The following FIGNL2 variants were observed in gnomAD, a reference collection of about 807,000 sequenced individuals.
The protein encoded by FIGNL2 is fidgetin like 2.
For missense variants in FIGNL2, 1,060 were observed against 950.2 expected (o/e 1.12, Z -1.52); for synonymous variants, 565 against 484.0 (o/e 1.17, Z -2.20).
intron 1 of FIGNL2, chr12:51,845,470 C>T (rs1050731728): frequency 1.0e-6 from 1 of 982,086 alleles, no homozygotes; most frequent in African/African-American, 1.8e-5. Flanking sequence ...GCCCCCCCCC[C>T]ACAGTCTCTG....
Position 51,821,406 on chromosome 12 carries a change from G to A in FIGNL2, c.1008C>T (p.Pro336=), listed in dbSNP as rs754956621. ...AGGGCTCCAGTTGCGGGCCGTAGAC[G>A]GGGGAGCCCAGGACCTTGAGGGGGA... The part of the protein sequence containing the change: ...GGVPLKVLGS[P]VYGPQLEPFE... The change falls in exon 2 of 2, where the codon CCC becomes CCT. Residue 336 remains proline, a synonymous_variant. Coordinates refer to ENST00000618634, the MANE Select transcript of FIGNL2 (RefSeq NM_001384995.1). The A allele has an allele frequency of 3.9e-6, 6 of 1,529,360 alleles. No homozygotes were observed. The highest frequency in any genetic ancestry group is 2.0e-5 in the Admixed American group (1 of 50,328). The allele number at this position is 1,529,360 out of a possible 1,614,324, so 94.7% of individuals were successfully genotyped here.
At chr12:51,832,465 A>G (rs745387284) in intron 1 of FIGNL2, among the ~76,000 whole-genome samples, 6 of 151,142 alleles carry the variant, frequency 4.0e-5, no homozygotes, top group Admixed American at 2.0e-4. Flanking sequence ...ACACTCCACT[A>G]CCTTTGCCTC....
chr12:51,821,500 C>T lies in FIGNL2; in HGVS notation c.914G>A (p.Arg305Gln). The T allele has an allele frequency of 6.4e-7, 1 of 1,559,708 alleles. No individual in the cohort carries two copies. The highest frequency in any genetic ancestry group is 8.6e-7 in the Non-Finnish European group (1 of 1,160,926). ...SYPAADNGEC[R>Q]GNGFRAKPPG... is the part of the protein sequence containing the mutation. ...CGGCTTGGCCCGGAACCCGTTGCCC[C>T]GACATTCGCCGTTGTCCGCGGCGGG... Residue 305 changes from arginine to glutamine, a missense_variant, in exon 2 of 2, where the codon CGG becomes CAG. Transcript: ENST00000618634.
At position 51,846,933 on chromosome 12, in the gene FIGNL2, G is replaced by T. The variant is rs993611316; in HGVS notation, c.-12+1607C>A. ...AAGAAATGAAATGGTGTTAAACATG[G>T]GAAAGGGGATTTACGAGGCCTGTCA... On this transcript the variant is annotated intron_variant, in intron 1 of 1. Transcript: ENST00000618634. 1.5e-4 allele frequency: 133 copies of T among 912,850 alleles called. No individual in the cohort carries two copies. In the African/African-American group the frequency reaches 2.3e-3, roughly 16 times the overall value. The allele number at this position is 912,850 out of a possible 1,614,324, so 56.5% of individuals were successfully genotyped here. A position where few individuals can be genotyped will look rare whatever the true frequency, so the allele number is the denominator to read the frequency against.
At position 51,847,392 on chromosome 12, in the gene FIGNL2, C is replaced by T. The variant is rs533464714; in HGVS notation, c.-12+1148G>A. ...GGGCTGGAACCGGGTCCCCACTCCT[C>T]GCTGCCGGGCGGAAAGCAGGAGACC... On this transcript the variant is annotated intron_variant, in intron 1 of 1. Coordinates refer to ENST00000618634, the MANE Select transcript of FIGNL2 (RefSeq NM_001384995.1). 1.0e-5 allele frequency: 10 copies of T among 985,468 alleles called. No homozygotes were observed. The East Asian group carries it at 6.8e-4, about 67-fold the overall frequency. The allele number at this position is 985,468 out of a possible 1,614,324, so 61.0% of individuals were successfully genotyped here.
chr12:51,820,628 C>T lies in FIGNL2; in HGVS notation c.1786G>A (p.Gly596Ser). Residue 596 changes from glycine to serine, a missense_variant, in exon 2 of 2, where the codon GGC becomes AGC. Coordinates refer to ENST00000618634, the MANE Select transcript of FIGNL2 (RefSeq NM_001384995.1). ...TGCTGGCACAGCTGCCCCAGCTCGC[C>T]CCCAGAGAAGCCCTGCGTGCCCTGC... ...LVQGTQGFSG[G>S]ELGQLCQQAA... is the part of the protein sequence containing the mutation. 2.0e-6 allele frequency: 3 copies of T among 1,526,064 alleles called. No homozygotes were observed. The highest frequency in any genetic ancestry group is 2.6e-6 in the Non-Finnish European group (3 of 1,143,198). 94.5% of individuals were successfully genotyped at this position (1,526,064 alleles called of 1,614,324 possible).
intron 1 of FIGNL2, among the ~76,000 whole-genome samples, chr12:51,829,242 C>T (rs1939406026): frequency 6.6e-6 from 1 of 152,260 alleles, no homozygotes. Context: ...ACCAAGGCTC[C>T]CACAGGCCTT....
At position 51,821,426 on chromosome 12, in the gene FIGNL2, G is replaced by T; in HGVS notation, c.988C>A (p.Leu330Ile). The T allele has an allele frequency of 6.5e-7, 1 of 1,538,814 alleles. No homozygotes were observed. The highest frequency in any genetic ancestry group is 1.7e-4 in the Middle Eastern group (1 of 5,916). Reference protein sequence around the residue: ...ASGKYGGGVPLKVLGSPVYGP... With the variant: ...ASGKYGGGVPIKVLGSPVYGP... ...TAGACGGGGGAGCCCAGGACCTTGAGGGGGACGCCGCCACCGTACTTGCCC... is the reference window on the plus strand; with the variant it reads ...TAGACGGGGGAGCCCAGGACCTTGATGGGGACGCCGCCACCGTACTTGCCC... The change falls in exon 2 of 2, where the codon CTC (leucine) becomes ATC (isoleucine). Residue 330 changes from leucine (L) to isoleucine (I), a missense_variant. Transcript: ENST00000618634.
At position 51,848,181 on chromosome 12, in the gene FIGNL2, C is replaced by T. The variant is rs569352240; in HGVS notation, c.-12+359G>A. 3.6e-3 allele frequency: 3,540 copies of T among 985,184 alleles called. 19 individuals are homozygous for T. Among genetic ancestry groups the T allele is most frequent in the South Asian group, 0.022 (474 of 21,266 alleles). 61.0% of individuals were successfully genotyped at this position (985,184 alleles called of 1,614,324 possible). A position where few individuals can be genotyped will look rare whatever the true frequency, so the allele number is the denominator to read the frequency against. ...TCCGGACGCTGGATCCTTCTGGGAC[C>T]CGAACCCGCAAACCTTGGCTCCCCA... On this transcript the variant is annotated intron_variant, in intron 1 of 1. Coordinates refer to ENST00000618634, the MANE Select transcript of FIGNL2 (RefSeq NM_001384995.1).
intron 1 of FIGNL2, among the ~76,000 whole-genome samples, chr12:51,837,548 C>T (rs948333466): frequency 3.3e-5 from 5 of 152,334 alleles, no homozygotes; most frequent in East Asian, 3.9e-4. Context: ...CTGGGGCCGC[C>T]AGGCCCGACT....
chr12:51,820,165 G>T lies in FIGNL2; in HGVS notation c.*287C>A. On this transcript the variant is annotated 3_prime_UTR_variant, in exon 2 of 2. Transcript: ENST00000618634. ...AGAGAGCAGGAGTTCTTAAGGCCCC[G>T]GGTGCCAGCCCATGCCGGATCTGCC... is the stretch of plus-strand genomic sequence containing the variant. 1 of 443,836 alleles carries T rather than the reference G, an allele frequency of 2.3e-6. No individual in the cohort carries two copies. The highest frequency in any genetic ancestry group is 4.0e-6 in the Non-Finnish European group (1 of 248,236). 27.5% of individuals were successfully genotyped at this position (443,836 alleles called of 1,614,324 possible).
chr12:51,840,444 T>G (rs1396245729), intron 1 of FIGNL2, among the ~76,000 whole-genome samples: 1 of 152,174 alleles, frequency 6.6e-6, no homozygotes, highest in Non-Finnish European at 1.5e-5. Flanking sequence ...CAAAGGGAAT[T>G]AATAACATTG....
At position 51,818,782 on chromosome 12, in the gene FIGNL2, G is replaced by C. The variant is rs1443176325; in HGVS notation, c.*1670C>G. On this transcript the variant is annotated 3_prime_UTR_variant, in exon 2 of 2. Transcript: ENST00000618634. ...AGATCAGAGTTGTGAAATGGGCTGG[G>C]GGTGGTGGGAGCAAACTGCTAAAGC... The C allele has an allele frequency of 6.6e-6, 1 of 152,320 alleles. No homozygotes were observed. The highest frequency in any genetic ancestry group is 1.5e-5 in the Non-Finnish European group (1 of 68,162). The allele number at this position is 152,320 out of a possible 1,614,324, so 9.4% of individuals were successfully genotyped here.
intron 1 of FIGNL2, among the ~76,000 whole-genome samples, chr12:51,840,175 C>T (rs184892999): frequency 3.9e-5 from 6 of 152,300 alleles, no homozygotes; most frequent in South Asian, 2.1e-4. Context: ...CAGTGGAGGC[C>T]GCCATGGACT....
In FIGNL2 at chr12:51,819,441, A is replaced by G. The variant is rs575184065; in HGVS notation, c.*1011T>C. ...TTAGGAATACATTCTGCTTCTGACC[A>G]GGAATAGCTGGGGTTTCACTGAGGC... On this transcript the variant is annotated 3_prime_UTR_variant, in exon 2 of 2. Transcript: ENST00000618634. 2.0e-5 allele frequency: 3 copies of G among 152,782 alleles called. No individual in the cohort carries two copies. In the East Asian group the frequency reaches 5.8e-4, roughly 30 times the overall value. The allele number at this position is 152,782 out of a possible 1,614,324, so 9.5% of individuals were successfully genotyped here.
At chr12:51,845,673 G>A in intron 1 of FIGNL2, 1 of 985,410 alleles carries the variant, frequency 1.0e-6, no homozygotes, top group Non-Finnish European at 1.2e-6. Flanking sequence ...CACAGGGAAG[G>A]TGAGGGAGAC....
rs116120549 is a variant in FIGNL2, at chr12:51,822,027, C to T, written c.387G>A (p.Leu129=). 3.1e-3 allele frequency: 4,947 copies of T among 1,604,054 alleles called. 128 individuals carry two copies. The African/African-American group carries it at 0.058, about 19-fold the overall frequency. Residue 129 remains leucine, a synonymous_variant, in exon 2 of 2, where the codon CTG becomes CTA. Transcript: ENST00000618634. ...TCCCGGCTAAAACTGGGGAGCCCCC[C>T]AGGGCCCCGGAACCGCCGCCACCGC... ...KSGGGGGSGA[L]GGSPVLAGNL... is the part of the protein sequence containing the mutation.
intron 1 of FIGNL2, among the ~76,000 whole-genome samples, chr12:51,842,767 A>G (rs2139001656): frequency 6.6e-6 from 1 of 152,216 alleles, no homozygotes; most frequent in South Asian, 2.1e-4. Flanking sequence ...CCCTCGCCAT[A>G]GCCCAGAGGC....
In FIGNL2 at chr12:51,822,204, G is replaced by C. The variant is rs748355861; in HGVS notation, c.210C>G (p.Val70=). ...LKRYAEKYSG[V]LDSPYERPAL... is the part of the protein sequence containing the mutation. ...CCGGACGCTCGTAGGGAGAATCCAA[G>C]ACCCCAGAGTACTTCTCTGCATAGC... The change falls in exon 2 of 2, where the codon GTC becomes GTG. Residue 70 remains valine (V), a synonymous_variant. Coordinates refer to ENST00000618634, the MANE Select transcript of FIGNL2 (RefSeq NM_001384995.1). The C allele has an allele frequency of 4.3e-6, 7 of 1,611,832 alleles. No individual in the cohort carries two copies. Among genetic ancestry groups the C allele is most frequent in the Non-Finnish European group, 5.9e-6 (7 of 1,179,144 alleles).
Sources: allele counts gnomAD v4.1 joint callset (sites outside exome capture counted in the v4.1 genomes callset), GRCh38; gene constraint gnomAD v4.1.1; transcripts MANE v1.5; gene names NCBI Gene and HGNC (gene_info 2026-07-23, HGNC 2026-07-21).